The following KIAA0232 variants were observed in gnomAD, a reference collection of about 807,000 sequenced individuals.
KIAA0232 encodes uncharacterized protein KIAA0232.
KIAA0232 carries 27 observed loss-of-function variants against 122.0 expected under a neutral mutation model. The observed-to-expected ratio is 0.22, with a 90% CI of 0.16 to 0.31. KIAA0232 has a LOEUF of 0.31. Ranked by LOEUF, KIAA0232 falls within the 10% of genes least tolerant of loss-of-function variation. KIAA0232 has a pLI of 1.00. For synonymous variants in KIAA0232, 613 were observed against 587.6 expected, an observed-to-expected ratio of 1.04 and a Z score of -0.63; for missense variants, 1,551 against 1,634.2, an observed-to-expected ratio of 0.95 and a Z score of 0.88.
chr4:6,784,437 G>T (rs146946176), intron 1 of KIAA0232, among the ~76,000 whole-genome samples: 284 of 152,128 alleles, frequency 1.9e-3, no homozygotes, highest in African/African-American at 4.1e-3. Flanking sequence ...GGTGAGGGCG[G>T]GGGGGGAGGA....
At position 6,855,516 on chromosome 4, in the gene KIAA0232, CA is replaced by C. The variant is rs1298639729; in HGVS notation, c.370-1640del. ...TTATTTTGCTGTTTAAACATGAGAG[CA>C]AAAAAAATATATGTTTATATATGAC... On this transcript the variant is annotated intron_variant, in intron 4 of 9. Coordinates refer to ENST00000307659, the MANE Select transcript of KIAA0232 (RefSeq NM_014743.3). The surrounding 1 kb of genome is among the most constrained non-coding windows in gnomAD (Gnocchi z 4.3). Among the ~76,000 whole-genome samples the C allele has an allele frequency of 6.7e-6, 1 of 150,198 alleles. No individual in the cohort carries two copies. The highest frequency in any genetic ancestry group is 2.4e-5 in the African/African-American group (1 of 40,864).
At chr4:6,836,328 T>G (rs1719265712) in intron 3 of KIAA0232, among the ~76,000 whole-genome samples, 1 of 151,560 alleles carries the variant, frequency 6.6e-6, no homozygotes, top group African/African-American at 2.4e-5. Flanking sequence ...TTGTTTGTTT[T>G]TTGTTTTGTT....
intron 2 of KIAA0232, among the ~76,000 whole-genome samples, chr4:6,810,437 T>C (rs1200145384): frequency 6.6e-6 from 1 of 152,164 alleles, no homozygotes; most frequent in African/African-American, 2.4e-5. Context: ...TCAAGATGGA[T>C]TAAAGACTTA....
rs1307097596 is a variant in KIAA0232, at chr4:6,884,038, TG to T, written c.*3073del. On this transcript the variant is annotated 3_prime_UTR_variant, in exon 10 of 10. Coordinates refer to ENST00000307659, the MANE Select transcript of KIAA0232 (RefSeq NM_014743.3). The stretch of plus-strand genomic sequence containing the variant: ...AACAGGTTCCTCATTGATAAAACAA[TG>T]TTTTTTTGGTTGTTTATTCAGTATC... The T allele has an allele frequency of 1.3e-5, 2 of 152,246 alleles. No homozygotes were observed. The highest frequency in any genetic ancestry group is 2.4e-5 in the African/African-American group (1 of 41,462). 9.4% of individuals were successfully genotyped at this position (152,246 alleles called of 1,614,324 possible).
At chr4:6,851,180 G>A (rs1272307811) in intron 4 of KIAA0232, among the ~76,000 whole-genome samples, 1 of 152,104 alleles carries the variant, frequency 6.6e-6, no homozygotes, top group Non-Finnish European at 1.5e-5. Flanking sequence ...GCCCATTAGT[G>A]GCCTCCTTAA....
Position 6,871,568 on chromosome 4 carries a change from A to C in KIAA0232, c.3802-6A>C. ...ACTTTTTCTGTATTTGGTTTAATCT[A>C]AACAGTTCCCTGTATTGAACACTGA... On this transcript the variant is annotated splice_region_variant and splice_polypyrimidine_tract_variant and intron_variant, in intron 7 of 9. Coordinates refer to ENST00000307659, the MANE Select transcript of KIAA0232 (RefSeq NM_014743.3). 6.5e-7 allele frequency: 1 copy of C among 1,530,208 alleles called. No homozygotes were observed. The highest frequency in any genetic ancestry group is 1.7e-5 in the Admixed American group (1 of 57,564). 94.8% of individuals were successfully genotyped at this position (1,530,208 alleles called of 1,614,324 possible).
intron 4 of KIAA0232, among the ~76,000 whole-genome samples, chr4:6,845,378 C>G (rs1335058117): frequency 6.6e-6 from 1 of 151,986 alleles, no homozygotes; most frequent in African/African-American, 2.4e-5. Context: ...TTAAAAAATA[C>G]AGGGACAGGG....
intron 3 of KIAA0232, among the ~76,000 whole-genome samples, chr4:6,834,875 T>G (rs971007291): frequency 1.3e-5 from 2 of 152,148 alleles, no homozygotes; most frequent in South Asian, 2.1e-4. Context: ...AGAGAGTTGT[T>G]TAGCACAAAA....
chr4:6,832,350 C>CTTT (rs541814218), intron 3 of KIAA0232, among the ~76,000 whole-genome samples: 2 of 134,722 alleles, frequency 1.5e-5, no homozygotes, highest in African/African-American at 2.7e-5. Flanking sequence ...AAGTTGGGGC[C>CTTT]TTTTTTTTTT....
At position 6,861,787 on chromosome 4, in the gene KIAA0232, C is replaced by A; in HGVS notation, c.1405C>A (p.His469Asn). 3 of 1,614,046 alleles carry A rather than the reference C, an allele frequency of 1.9e-6. No homozygotes were observed. The South Asian group carries it at 3.3e-5, about 18-fold the overall frequency. The part of the protein sequence containing the change: ...YLAAGTFIDG[H>N]FVEMPAVINE... ...CGCAGCAGGTACTTTCATTGATGGT[C>A]ATTTTGTAGAAATGCCTGCAGTTAT... Residue 469 changes from histidine to asparagine, a missense_variant, in exon 7 of 10, where the codon CAT becomes AAT. By Grantham distance (68) the His-to-Asn change is moderately conservative. This residue lies in a region of KIAA0232 where 1,108 missense variants were observed against 1,154.8 expected (regional missense o/e 0.96). Coordinates refer to ENST00000307659, the MANE Select transcript of KIAA0232 (RefSeq NM_014743.3).
In KIAA0232 at chr4:6,833,078, C is replaced by T. The variant is rs1378174292; in HGVS notation, c.231+8394C>T. 3.3e-5 allele frequency among the ~76,000 whole-genome samples: 5 copies of T among 152,218 alleles called. No individual in the cohort carries two copies. The East Asian group carries it at 9.6e-4, about 29-fold the overall frequency. ...TTGTAACATACTCCTGTAGCGTGTC[C>T]CGTTCAGCATTACGCTTCTTGAAAA... On this transcript the variant is annotated intron_variant, in intron 3 of 9. Coordinates refer to ENST00000307659, the MANE Select transcript of KIAA0232 (RefSeq NM_014743.3).
chr4:6,862,883 A>G lies in KIAA0232; in HGVS notation c.2501A>G (p.Asp834Gly). Residue 834 changes from aspartate (D) to glycine (G), a missense_variant, in exon 7 of 10, where the codon GAC becomes GGC. Transcript: ENST00000307659. ...VIKDIWTKMA[D>G]TNSVATVEIE... ...AAAGACATTTGGACAAAGATGGCAGACACAAATTCTGTGGCTACAGTAGAA... is the reference window on the plus strand; with the variant it reads ...AAAGACATTTGGACAAAGATGGCAGGCACAAATTCTGTGGCTACAGTAGAA... 1.9e-6 allele frequency: 3 copies of G among 1,614,266 alleles called. No individual in the cohort carries two copies. The highest frequency in any genetic ancestry group is 2.5e-6 in the Non-Finnish European group (3 of 1,180,038).
At chr4:6,854,692 G>A (rs1720479853) in intron 4 of KIAA0232, among the ~76,000 whole-genome samples, 1 of 152,182 alleles carries the variant, frequency 6.6e-6, no homozygotes, top group African/African-American at 2.4e-5. Context: ...AAGATGGGTG[G>A]ATATTATCCA....
At chr4:6,799,091 G>A (rs1717261107) in intron 1 of KIAA0232, among the ~76,000 whole-genome samples, 1 of 151,948 alleles carries the variant, frequency 6.6e-6, no homozygotes, top group Non-Finnish European at 1.5e-5. Flanking sequence ...GAGAGAGCTT[G>A]GTCCATGCCC....
chr4:6,783,055 AG>A (rs1716421226), intron 1 of KIAA0232, among the ~76,000 whole-genome samples: 2 of 143,388 alleles, frequency 1.4e-5, no homozygotes, highest in African/African-American at 5.3e-5. Context: ...GCCGCCGCCG[AG>A]GGCTCCGGGG....
At chr4:6,833,631 A>C (rs1719110438) in intron 3 of KIAA0232, among the ~76,000 whole-genome samples, 1 of 151,978 alleles carries the variant, frequency 6.6e-6, no homozygotes, top group South Asian at 2.1e-4. Flanking sequence ...ACTGCATCTC[A>C]AAAAAAGGAA....
At position 6,860,913 on chromosome 4, in the gene KIAA0232, A is replaced by G; in HGVS notation, c.531A>G (p.Ala177=). Residue 177 remains alanine, a synonymous_variant, in exon 7 of 10, where the codon GCA becomes GCG. Transcript: ENST00000307659. The part of the protein sequence containing the change: ...AKDQVEMYYE[A]FPPLSEKPVC... Reference sequence around the variant, plus strand: ...CTCTGTTTTTCAGGTACTATGAAGCATTTCCACCACTTTCTGAGAAACCAG... The same window carrying G: ...CTCTGTTTTTCAGGTACTATGAAGCGTTTCCACCACTTTCTGAGAAACCAG... The G allele has an allele frequency of 1.2e-6, 2 of 1,613,464 alleles. No homozygotes were observed. Among genetic ancestry groups the G allele is most frequent in the Non-Finnish European group, 1.7e-6 (2 of 1,179,606 alleles).
chr4:6,814,473 A>C (rs1718028370), intron 2 of KIAA0232, among the ~76,000 whole-genome samples: 1 of 152,108 alleles, frequency 6.6e-6, no homozygotes, highest in South Asian at 2.1e-4. Flanking sequence ...TAATCCTATT[A>C]GTAACAGAAC....
In KIAA0232 at chr4:6,863,337, G is replaced by C. The variant is rs763291782; in HGVS notation, c.2955G>C (p.Gly985=). The change falls in exon 7 of 10, where the codon GGG becomes GGC. Residue 985 remains glycine (G), a synonymous_variant. Transcript: ENST00000307659. ...FMTPGNSFAP[G]HRQLWKPFVS... is the part of the protein sequence containing the mutation. ...CCCCAGGAAACAGTTTTGCTCCTGG[G>C]CACAGGCAGTTATGGAAACCCTTCG... The C allele has an allele frequency of 6.2e-7, 1 of 1,614,144 alleles. No homozygotes were observed. The highest frequency in any genetic ancestry group is 1.1e-5 in the South Asian group (1 of 91,084).
Sources: allele counts gnomAD v4.1 joint callset (sites outside exome capture counted in the v4.1 genomes callset), GRCh38; gene constraint gnomAD v4.1.1; regional missense constraint gnomAD v4.1.1; non-coding constraint Gnocchi (gnomAD v3.1); transcripts MANE v1.5; gene names NCBI Gene and HGNC (gene_info 2026-07-23, HGNC 2026-07-21).